TOGARAM2: variants seen among roughly 807,000 people sequenced by gnomAD.
The protein encoded by TOGARAM2 is TOG array regulator of axonemal microtubules 2, also known as TOG array regulator of axonemal microtubules protein 2.
In TOGARAM2, 85 loss-of-function variants were observed where a neutral mutation model predicts 93.3. The ratio of observed to expected loss-of-function variants is 0.91; its 90% CI spans 0.76 to 1.09. The LOEUF (loss-of-function observed/expected upper bound fraction) is 1.09, where lower values mean the gene tolerates loss of function less well. Ranked by LOEUF, TOGARAM2 falls within the 50% of genes least tolerant of loss-of-function variation. The probability of loss-of-function intolerance (pLI) is 0.00; values close to 1 mark genes in which losing one functional copy is unlikely to be tolerated. For missense variants in TOGARAM2, 1,277 were observed against 1,334.5 expected (o/e 0.96, Z 0.67); for synonymous variants, 593 against 552.8 (o/e 1.07, Z -1.02).
chr2:29,036,752 G>A lies in TOGARAM2; in HGVS notation c.2630G>A (p.Ser877Asn), dbSNP rs757855232. ...GCTGTGCTGGATGCGATGGTTGAGA[G>A]CCTGGGTGAGTGTCCCACGTGGGCC... ...AVAVLDAMVESLDNLCLLPAL... is the reference protein window; with the variant it reads ...AVAVLDAMVENLDNLCLLPAL... The change falls in exon 18 of 20, where the codon AGC becomes AAC. Residue 877 changes from serine (S) to asparagine (N), a missense_variant. Ser to Asn is a conservative substitution (Grantham distance 46). Transcript: ENST00000379558. 15 of 1,612,120 alleles carry A rather than the reference G, an allele frequency of 9.3e-6. 1 individual carries two copies. Among genetic ancestry groups the A allele is most frequent in the East Asian group, 8.9e-5 (4 of 44,846 alleles).
intron 4 of TOGARAM2, among the ~76,000 whole-genome samples, chr2:29,001,348 A>T (rs936079767): frequency 1.3e-4 from 19 of 149,646 alleles, no homozygotes; most frequent in Non-Finnish European, 1.5e-4. Context: ...TTTTTTTTTA[A>T]TTTTTTTTTT....
chr2:29,003,823 C>T, intron 6 of TOGARAM2, 141 bp downstream of exon 6: 1 of 822,406 alleles, frequency 1.2e-6, no homozygotes, highest in Non-Finnish European at 1.8e-6. Flanking sequence ...GGGGGCTCCA[C>T]CCATGAGCCA....
intron 14 of TOGARAM2, among the ~76,000 whole-genome samples, chr2:29,028,978 G>T (rs1665578461): frequency 6.6e-6 from 1 of 152,164 alleles, no homozygotes; most frequent in African/African-American, 2.4e-5. Context: ...GCGTGGATGT[G>T]GTGAAAGGGA....
chr2:28,969,142 A>C (rs762337288), intron 1 of TOGARAM2, among the ~76,000 whole-genome samples: 34 of 152,234 alleles, frequency 2.2e-4, no homozygotes, highest in Non-Finnish European at 2.9e-5. Context: ...GAGCACCGTG[A>C]TAGGCCGTGC....
rs1353533284 is a variant in TOGARAM2 at position 29,024,003 on chromosome 2, G to GT, written c.1618-133dup. 171 of 677,248 alleles carry GT rather than the reference G, an allele frequency of 2.5e-4. 2 individuals are homozygous for GT. In the African/African-American group the frequency reaches 2.7e-3, roughly 11 times the overall value. 42.0% of individuals were successfully genotyped at this position (677,248 alleles called of 1,614,324 possible). A position where few individuals can be genotyped will look rare whatever the true frequency, so the allele number is the denominator to read the frequency against. On this transcript the variant is annotated intron_variant, in intron 12 of 19. Transcript: ENST00000379558. ...TGCTCAGAGTGGCTGCAGGGTTTTT[G>GT]TTTCCAGCGTGGCAAGGCCTAGGTC...
chr2:28,964,744 G>T (rs1671844942), intron 1 of TOGARAM2, among the ~76,000 whole-genome samples: 1 of 151,760 alleles, frequency 6.6e-6, no homozygotes, highest in South Asian at 2.1e-4. Flanking sequence ...GTGGTGGTTG[G>T]TTTTCTGTTC....
chr2:29,027,015 G>T lies in TOGARAM2; in HGVS notation c.2012+4G>T. On this transcript the variant is annotated splice_donor_region_variant and intron_variant, in intron 14 of 19. Coordinates refer to ENST00000379558, the MANE Select transcript of TOGARAM2 (RefSeq NM_199280.4). Reference sequence around the variant, plus strand: ...AGGACTCCAACCAGGACACCAGGTAGGGCAGGGCCAGGGGCCTGGGGGCAG... The same window carrying T: ...AGGACTCCAACCAGGACACCAGGTATGGCAGGGCCAGGGGCCTGGGGGCAG... 6.4e-7 allele frequency: 1 copy of T among 1,554,596 alleles called. No individual in the cohort carries two copies. The highest frequency in any genetic ancestry group is 8.7e-7 in the Non-Finnish European group (1 of 1,148,164).
chr2:29,010,622 G>A (rs1204094772), intron 6 of TOGARAM2, among the ~76,000 whole-genome samples: 1 of 152,088 alleles, frequency 6.6e-6, no homozygotes, highest in Non-Finnish European at 1.5e-5. Flanking sequence ...CTGTTGCTGT[G>A]GCTTGTTACT....
In TOGARAM2 at chr2:29,003,522, A is replaced by G. The variant is rs771286630; in HGVS notation, c.670A>G (p.Asn224Asp). The G allele has an allele frequency of 3.2e-6, 5 of 1,583,248 alleles. No individual in the cohort carries two copies. The African/African-American group carries it at 5.4e-5, about 17-fold the overall frequency. Residue 224 changes from asparagine (N) to aspartate (D), a missense_variant, in exon 6 of 20, where the codon AAT becomes GAT. Physicochemically the swap from Asn to Asp is conservative, Grantham distance 23 (BLOSUM62 1). Transcript: ENST00000379558. ...GATCTCCTGGCAATACCTGCACTGC[A>G]ATGATGAGAAGATGCAGAAGTCCCT... ...AQISWQYLHCNDEKMQKSLGA... is the reference protein window; with the variant it reads ...AQISWQYLHCDDEKMQKSLGA...
rs527819743 is a variant in TOGARAM2 at position 29,005,244 on chromosome 2, C to T, written c.830+1562C>T. ...GCATGTGTGTATATGTGTGTGGGACCATGTGTGTGAGTGCATGTGTGTGGA... is the reference window on the plus strand; with the variant it reads ...GCATGTGTGTATATGTGTGTGGGACTATGTGTGTGAGTGCATGTGTGTGGA... On this transcript the variant is annotated intron_variant, in intron 6 of 19. Transcript: ENST00000379558. Among the ~76,000 whole-genome samples the T allele has an allele frequency of 2.9e-3, 347 of 120,506 alleles. 3 individuals carry two copies. Among genetic ancestry groups the T allele is most frequent in the Non-Finnish European group, 4.5e-3 (263 of 59,050 alleles). The allele number at this position is 120,506 out of a possible 152,430, so 79.1% of individuals were successfully genotyped here.
intron 4 of TOGARAM2, among the ~76,000 whole-genome samples, chr2:29,000,178 C>G (rs960274056): frequency 2.1e-4 from 32 of 152,042 alleles, no homozygotes; most frequent in Admixed American, 1.3e-3. Context: ...ATTGTCAGCT[C>G]CAAGAGGGCA....
At chr2:29,024,905 C>T (rs563704804) in intron 13 of TOGARAM2, among the ~76,000 whole-genome samples, 8 of 152,318 alleles carry the variant, frequency 5.3e-5, no homozygotes, top group Non-Finnish European at 1.0e-4. Context: ...CCCCACTGGA[C>T]CTGCTCCTGG....
Position 29,024,401 on chromosome 2 carries a change from G to T in TOGARAM2, c.1853+27G>T, listed in dbSNP as rs1353420540. 3 of 1,579,770 alleles carry T rather than the reference G, an allele frequency of 1.9e-6. No homozygotes were observed. The South Asian group carries it at 3.5e-5, about 18-fold the overall frequency. ...TATGTGGCTGCCTGTTGTCTGAGGG[G>T]CGGGGAAGTCAGGGAAGGTAAGGCA... On this transcript the variant is annotated intron_variant, in intron 13 of 19. Coordinates refer to ENST00000379558, the MANE Select transcript of TOGARAM2 (RefSeq NM_199280.4).
chr2:29,035,150 CAAAAA>C (rs5830098), intron 16 of TOGARAM2, among the ~76,000 whole-genome samples: 4 of 102,552 alleles, frequency 3.9e-5, no homozygotes, highest in Non-Finnish European at 6.2e-5. Flanking sequence ...GACTCTGCCT[CAAAAA>C]AAAAAAAAAA....
intron 1 of TOGARAM2, among the ~76,000 whole-genome samples, chr2:28,969,635 C>T (rs945039037): frequency 3.3e-5 from 5 of 152,172 alleles, no homozygotes; most frequent in Non-Finnish European, 4.4e-5. Context: ...TTCCTGACTA[C>T]AAGGCCTCTG....
upstream of TOGARAM2, among the ~76,000 whole-genome samples, chr2:28,978,227 G>A (rs978500137): frequency 2.0e-5 from 3 of 152,038 alleles, no homozygotes; most frequent in Non-Finnish European, 4.4e-5. Flanking sequence ...ATAAGTAAGG[G>A]GTAGGAAGGG....
intron 14 of TOGARAM2, among the ~76,000 whole-genome samples, chr2:29,030,461 GAA>G (rs554937593): frequency 6.9e-6 from 1 of 145,366 alleles, no homozygotes; most frequent in Admixed American, 6.8e-5. Context: ...GCCATGCAAC[GAA>G]AAAAAAAAGG....
rs1023442217 is a variant in TOGARAM2 at position 29,011,926 on chromosome 2, C to T, written c.877+425C>T. ...GGGGTCTTGACACATCAAGCAGCTG[C>T]CCCTTGCGGTGTGTTAAGCAAGTAG... On this transcript the variant is annotated intron_variant, in intron 7 of 19. Coordinates refer to ENST00000379558, the MANE Select transcript of TOGARAM2 (RefSeq NM_199280.4). Among the ~76,000 whole-genome samples the T allele has an allele frequency of 1.2e-4, 19 of 152,204 alleles. 1 individual carries two copies. The highest frequency in any genetic ancestry group is 4.3e-4 in the African/African-American group (18 of 41,446).
chr2:28,989,403 C>T (rs1572640305), intron 1 of TOGARAM2, among the ~76,000 whole-genome samples: 2 of 149,440 alleles, frequency 1.3e-5, no homozygotes, highest in African/African-American at 5.0e-5. Flanking sequence ...GCATTATCTC[C>T]TTTTTTTTTC....
Sources: gnomAD v4.1 joint callset for allele counts (sites outside exome capture counted in the v4.1 genomes callset) on GRCh38, gnomAD v4.1.1 for gene constraint, MANE v1.5 for transcripts, NCBI Gene and HGNC (gene_info 2026-07-23, HGNC 2026-07-21) for gene names.